SNX7: variants seen among roughly 807,000 people sequenced by gnomAD.
The protein encoded by SNX7 is sorting nexin 7.
Under a neutral mutation model 48.4 loss-of-function variants are expected in SNX7, and 35 were observed. The ratio of observed to expected loss-of-function variants is 0.72; its 90% CI spans 0.55 to 0.96. SNX7 has a LOEUF of 0.96. Among genes scored for constraint, SNX7 ranks in the 40% least tolerant of loss-of-function variants. The probability of loss-of-function intolerance (pLI) is 0.00; values close to 1 mark genes in which losing one functional copy is unlikely to be tolerated. For missense variants in SNX7, 553 were observed against 548.9 expected (o/e 1.01, Z -0.07); for synonymous variants, 190 against 190.2 (o/e 1.00, Z 0.01).
chr1:98,731,021 A>C (rs1250653371), intron 7 of SNX7, among the ~76,000 whole-genome samples: 6 of 152,218 alleles, frequency 3.9e-5, no homozygotes, highest in African/African-American at 1.4e-4. Flanking sequence ...GCTAATGCAT[A>C]CTAGGCTTAA....
intron 7 of SNX7, 61 bp from the exon 8 acceptor site, chr1:98,738,176 T>C: frequency 6.5e-7 from 1 of 1,548,616 alleles, no homozygotes; most frequent in Non-Finnish European, 8.7e-7. Context: ...TTAAATTTGA[T>C]GAATTCACCT....
chr1:98,713,094 G>GA (rs56653679), intron 7 of SNX7, among the ~76,000 whole-genome samples: 27,783 of 129,658 alleles, frequency 0.21, 3,151 homozygotes, highest in East Asian at 0.32. Flanking sequence ...TCTGTCTCAG[G>GA]AAAAAAAAAA....
intron 8 of SNX7, among the ~76,000 whole-genome samples, chr1:98,752,620 A>T (rs1238849537): frequency 1.3e-5 from 2 of 152,050 alleles, no homozygotes; most frequent in East Asian, 3.9e-4. Flanking sequence ...GTGTTCAAAT[A>T]GAAAAGTGCA....
intron 7 of SNX7, among the ~76,000 whole-genome samples, chr1:98,722,650 CA>C (rs1652945850): frequency 6.6e-6 from 1 of 150,880 alleles, no homozygotes; most frequent in Non-Finnish European, 1.5e-5. Flanking sequence ...TTTTTTTTTC[CA>C]TAAAAGGAAA....
At chr1:98,726,484 G>T (rs1186484932) in intron 7 of SNX7, among the ~76,000 whole-genome samples, 1 of 152,104 alleles carries the variant, frequency 6.6e-6, no homozygotes, top group African/African-American at 2.4e-5. Context: ...ACCACATGTA[G>T]CAGAGCACTG....
chr1:98,760,115 C>T lies in SNX7; in HGVS notation c.1340C>T (p.Ser447Phe), dbSNP rs749140445. The change falls in exon 9 of 9, where the codon TCT becomes TTT. Residue 447 changes from serine to phenylalanine, a missense_variant. Coordinates refer to ENST00000306121, the MANE Select transcript of SNX7 (RefSeq NM_015976.5). ...SQTNLHLEEA[S>F]EDKP Reference sequence around the variant, plus strand: ...ACCAACCTTCACTTGGAAGAAGCCTCTGAAGATAAACCTTAATCCCATTGA... The same window carrying T: ...ACCAACCTTCACTTGGAAGAAGCCTTTGAAGATAAACCTTAATCCCATTGA... 3.7e-6 allele frequency: 6 copies of T among 1,608,788 alleles called. No individual in the cohort carries two copies. The highest frequency in any genetic ancestry group is 2.2e-5 in the South Asian group (2 of 90,934).
intron 7 of SNX7, among the ~76,000 whole-genome samples, chr1:98,724,818 C>T (rs1385991836): frequency 1.3e-5 from 2 of 152,126 alleles, no homozygotes; most frequent in Non-Finnish European, 1.5e-5. Context: ...GGCAGCTATT[C>T]CTAGAGAAAC....
At chr1:98,753,638 A>G (rs1354303228) in intron 8 of SNX7, among the ~76,000 whole-genome samples, 1 of 152,080 alleles carries the variant, frequency 6.6e-6, no homozygotes, top group Non-Finnish European at 1.5e-5. Flanking sequence ...GAAAGTAGTA[A>G]TTGCTTTGGG....
intron 7 of SNX7, among the ~76,000 whole-genome samples, chr1:98,708,423 C>T (rs1652126728): frequency 6.6e-6 from 1 of 152,118 alleles, no homozygotes; most frequent in Admixed American, 6.6e-5. Context: ...GGAATGTGGC[C>T]ATCAGAATTT....
chr1:98,702,676 T>A (rs1381262271), intron 7 of SNX7, among the ~76,000 whole-genome samples: 3 of 152,140 alleles, frequency 2.0e-5, no homozygotes, highest in African/African-American at 7.2e-5. Context: ...TAAGTTTATA[T>A]ATAGGTCTTG....
At chr1:98,719,979 C>A (rs1011280648) in intron 7 of SNX7, among the ~76,000 whole-genome samples, 1 of 150,954 alleles carries the variant, frequency 6.6e-6, no homozygotes, top group Non-Finnish European at 1.5e-5. Context: ...CAGTCGTACC[C>A]GTTATCTATT....
intron 8 of SNX7, among the ~76,000 whole-genome samples, chr1:98,758,451 T>TATA (rs2101065629): frequency 1.3e-5 from 2 of 152,132 alleles, no homozygotes; most frequent in East Asian, 3.9e-4. Context: ...CTATTATTAT[T>TATA]ATATATCTGA....
At chr1:98,693,238 T>C (rs923775313) in intron 4 of SNX7, among the ~76,000 whole-genome samples, 5 of 152,184 alleles carry the variant, frequency 3.3e-5, no homozygotes, top group Admixed American at 1.3e-4. Context: ...TTACTTTTCC[T>C]TTAATTATCT....
At chr1:98,723,923 A>G (rs1033656258) in intron 7 of SNX7, among the ~76,000 whole-genome samples, 1 of 151,488 alleles carries the variant, frequency 6.6e-6, no homozygotes, top group Non-Finnish European at 1.5e-5. Context: ...TATTTATTCA[A>G]TAATTAGACT....
intron 8 of SNX7, among the ~76,000 whole-genome samples, chr1:98,742,811 C>G (rs1039759705): frequency 6.6e-6 from 1 of 151,758 alleles, no homozygotes; most frequent in Admixed American, 6.6e-5. Flanking sequence ...CTGCATGGGT[C>G]TTTGGAATGT....
intron 8 of SNX7, among the ~76,000 whole-genome samples, chr1:98,750,745 T>C (rs1251336334): frequency 6.6e-6 from 1 of 152,102 alleles, no homozygotes; most frequent in Non-Finnish European, 1.5e-5. Context: ...TCAGTAAATG[T>C]TGGCTACTAG....
At chr1:98,688,766 T>C (rs1053357025) in intron 2 of SNX7, among the ~76,000 whole-genome samples, 1 of 152,222 alleles carries the variant, frequency 6.6e-6, no homozygotes, top group Non-Finnish European at 1.5e-5. Flanking sequence ...TAGAAAACTG[T>C]ATTCTATGTT....
intron 6 of SNX7, among the ~76,000 whole-genome samples, chr1:98,700,056 A>G (rs1651670958): frequency 6.6e-6 from 1 of 152,206 alleles, no homozygotes; most frequent in South Asian, 2.1e-4. Flanking sequence ...TTTCTCCTAT[A>G]TTATATCAAG....
At chr1:98,703,962 A>G (rs1651886995) in intron 7 of SNX7, among the ~76,000 whole-genome samples, 1 of 152,120 alleles carries the variant, frequency 6.6e-6, no homozygotes, top group African/African-American at 2.4e-5. Flanking sequence ...AGAATGGCCT[A>G]TATTCATGTT....
Sources: allele counts gnomAD v4.1 joint callset (sites outside exome capture counted in the v4.1 genomes callset), GRCh38; gene constraint gnomAD v4.1.1; transcripts MANE v1.5; gene names NCBI Gene and HGNC (gene_info 2026-07-23, HGNC 2026-07-21).